The following INO80 variants were observed in gnomAD, a reference collection of about 807,000 sequenced individuals.
INO80 encodes the protein chromatin-remodeling ATPase INO80.
In INO80, 20 loss-of-function variants were observed where a neutral mutation model predicts 203.4. The observed-to-expected ratio is 0.10, with a 90% CI of 0.07 to 0.14. The LOEUF (loss-of-function observed/expected upper bound fraction) is 0.14, where lower values mean the gene tolerates loss of function less well. Ranked by LOEUF, INO80 falls within the 10% of genes least tolerant of loss-of-function variation. The pLI is 1.00. For synonymous variants in INO80, 726 were observed against 685.2 expected, an observed-to-expected ratio of 1.06 and a Z score of -0.93; for missense variants, 1,419 against 1,914.4, an observed-to-expected ratio of 0.74 and a Z score of 4.83.
At chr15:41,113,289 G>C (rs1468414258) in intron 1 of INO80, among the ~76,000 whole-genome samples, 1 of 150,600 alleles carries the variant, frequency 6.6e-6, no homozygotes, top group Non-Finnish European at 1.5e-5. Flanking sequence ...TTTTGAGACA[G>C]AGTTTTGCTC....
intron 23 of INO80, 36 bp from the exon 24 acceptor site, chr15:41,045,111 C>A (rs376829607): frequency 6.5e-7 from 1 of 1,542,216 alleles, no homozygotes; most frequent in Non-Finnish European, 8.7e-7. Flanking sequence ...TTATTCAGTG[C>A]TCCATGGAGG....
Position 40,978,902 on chromosome 15 carries a change from CATTTT to C in INO80, c.*1316_*1320del, listed in dbSNP as rs1326064409. ...CAATTTACATAAAATTATCTCACTC[CATTTT>C]ATTTAAGATTTTTTTATCCAGTTAG... On this transcript the variant is annotated 3_prime_UTR_variant, in exon 36 of 36. Coordinates refer to ENST00000648947, the MANE Select transcript of INO80 (RefSeq NM_017553.3). 1 of 152,588 alleles carries C rather than the reference CATTTT, an allele frequency of 6.6e-6. No homozygotes were observed. The highest frequency in any genetic ancestry group is 2.4e-5 in the African/African-American group (1 of 41,428). 9.5% of individuals were successfully genotyped at this position (152,588 alleles called of 1,614,324 possible). A position where few individuals can be genotyped will look rare whatever the true frequency, so the allele number is the denominator to read the frequency against.
intron 27 of INO80, among the ~76,000 whole-genome samples, chr15:41,007,936 G>C (rs1029375993): frequency 6.6e-6 from 1 of 152,186 alleles, no homozygotes; most frequent in Non-Finnish European, 1.5e-5. Flanking sequence ...CACTGTGGAA[G>C]GTCGAGGTGG....
chr15:41,056,368 T>C (rs2044985183), intron 17 of INO80, among the ~76,000 whole-genome samples: 1 of 152,260 alleles, frequency 6.6e-6, no homozygotes, highest in East Asian at 1.9e-4. Flanking sequence ...CTGCATTAAA[T>C]GTTTACATTT....
intron 27 of INO80, chr15:41,012,988 TGGCCATAGAGAA>T (rs954847895): frequency 2.0e-5 from 3 of 152,144 alleles, no homozygotes; most frequent in African/African-American, 7.2e-5. Context: ...AATGGAAACC[TGGCCATAGAGAA>T]GTATGTGAAT....
intron 29 of INO80, among the ~76,000 whole-genome samples, chr15:40,995,168 C>T (rs932468413): frequency 6.6e-6 from 1 of 152,196 alleles, no homozygotes; most frequent in Non-Finnish European, 1.5e-5. Flanking sequence ...GAAATGCAGA[C>T]TTTTGACTTC....
chr15:41,005,220 A>AAAAAT, intron 28 of INO80: 1 of 157,382 alleles, frequency 6.4e-6, no homozygotes, highest in Non-Finnish European at 1.4e-5. Context: ...AAAAAAAAAA[A>AAAAAT]AGAAATGGCT....
At chr15:41,098,256 A>G (rs952363513) in intron 1 of INO80, among the ~76,000 whole-genome samples, 2 of 152,210 alleles carry the variant, frequency 1.3e-5, no homozygotes, top group African/African-American at 4.8e-5. Flanking sequence ...TAACTTCTAG[A>G]AAAACCAGGA....
chr15:41,000,221 G>A (rs577316724), intron 28 of INO80, among the ~76,000 whole-genome samples: 2 of 152,274 alleles, frequency 1.3e-5, no homozygotes, highest in South Asian at 2.1e-4. Context: ...TGATACCTGC[G>A]TGAGAGTTGA....
Position 41,038,181 on chromosome 15 carries a change from G to GT in INO80, c.2907+6722dup, listed in dbSNP as rs546798538. Among the ~76,000 whole-genome samples the GT allele has an allele frequency of 2.8e-3, 422 of 150,768 alleles. 4 individuals are homozygous for GT. Among genetic ancestry groups the GT allele is most frequent in the African/African-American group, 9.7e-3 (399 of 41,166 alleles). On this transcript the variant is annotated intron_variant, in intron 24 of 35. Coordinates refer to ENST00000648947, the MANE Select transcript of INO80 (RefSeq NM_017553.3). ...AGCCACAGGCCACCATGCCTGGCTA[G>GT]TTTTTTTTATTTTTAGTAGAGACAG...
chr15:41,021,248 T>C, intron 25 of INO80, 123 bp from the exon 26 acceptor site: 1 of 664,736 alleles, frequency 1.5e-6, no homozygotes, highest in East Asian at 2.7e-5. Context: ...GTTTTAAATA[T>C]CTGTTCTGGC....
In INO80 at chr15:41,012,561, TA is replaced by T. The variant is rs71104767; in HGVS notation, c.3402+3526del. Among the ~76,000 whole-genome samples, 21 of 90,848 alleles carry T rather than the reference TA, an allele frequency of 2.3e-4. 1 individual carries two copies. Among genetic ancestry groups the T allele is most frequent in the African/African-American group, 8.7e-4 (21 of 24,208 alleles). 59.6% of individuals were successfully genotyped at this position (90,848 alleles called of 152,430 possible). On this transcript the variant is annotated intron_variant, in intron 27 of 35. Coordinates refer to ENST00000648947, the MANE Select transcript of INO80 (RefSeq NM_017553.3). Reference sequence around the variant, plus strand: ...CTGGGTGACAGAGCGAGACTCTTTTTAAAAAAAAAAAAAAAAGATCCTATAG... The same window carrying T: ...CTGGGTGACAGAGCGAGACTCTTTTTAAAAAAAAAAAAAAAGATCCTATAG...
intron 28 of INO80, 57 bp downstream of exon 28, chr15:41,005,536 T>A: frequency 2.3e-6 from 2 of 859,412 alleles, no homozygotes; most frequent in South Asian, 1.6e-5. Context: ...AAACTTACCA[T>A]TTCAAGCACT....
intron 16 of INO80, 73 bp from the exon 17 acceptor site, chr15:41,056,779 A>G (rs2044993504): frequency 1.6e-6 from 2 of 1,212,702 alleles, no homozygotes; most frequent in Non-Finnish European, 2.4e-6. Context: ...GAGACCCCAT[A>G]TTGACAAAAA....
At chr15:41,049,518 G>T (rs961935515) in intron 20 of INO80, 98 bp from the exon 21 acceptor site, 15 of 1,087,742 alleles carry the variant, frequency 1.4e-5, no homozygotes, top group Non-Finnish European at 1.4e-5. Flanking sequence ...TTTGGGAATG[G>T]ATACTTTCCC....
intron 29 of INO80, among the ~76,000 whole-genome samples, chr15:40,996,272 A>G (rs1297022017): frequency 6.6e-6 from 1 of 152,224 alleles, no homozygotes; most frequent in Non-Finnish European, 1.5e-5. Context: ...CAAAGTTACT[A>G]AAATTCTTAT....
At chr15:41,060,299 G>A (rs2140559213) in intron 14 of INO80, among the ~76,000 whole-genome samples, 1 of 152,244 alleles carries the variant, frequency 6.6e-6, no homozygotes, top group Non-Finnish European at 1.5e-5. Flanking sequence ...CTTAAGAGAT[G>A]TAAGATAGGC....
chr15:41,084,805 T>C (rs2045535791), intron 7 of INO80, among the ~76,000 whole-genome samples: 1 of 152,230 alleles, frequency 6.6e-6, no homozygotes, highest in South Asian at 2.1e-4. Context: ...AGTGGTGCGA[T>C]CTCAGCTCGC....
At chr15:41,006,916 T>C (rs1211781152) in intron 27 of INO80, among the ~76,000 whole-genome samples, 1 of 152,218 alleles carries the variant, frequency 6.6e-6, no homozygotes, top group East Asian at 1.9e-4. Flanking sequence ...GTGGTATTGC[T>C]ATATCGTAGG....
Sources: allele counts gnomAD v4.1 joint callset (sites outside exome capture counted in the v4.1 genomes callset), GRCh38; gene constraint gnomAD v4.1.1; transcripts MANE v1.5; gene names NCBI Gene and HGNC (gene_info 2026-07-23, HGNC 2026-07-21).